The following FGF13 variants were observed in gnomAD, a reference collection of about 807,000 sequenced individuals.
FGF13 encodes the protein fibroblast growth factor 13.
A neutral mutation model predicts 19.5 loss-of-function variants in FGF13; 2 were observed. The observed-to-expected ratio is 0.10, with a 90% CI of 0.04 to 0.32. The LOEUF (loss-of-function observed/expected upper bound fraction) is 0.32, where lower values mean the gene tolerates loss of function less well. FGF13 is among the 10% of genes least tolerant of loss of function. FGF13 has a pLI of 1.00. For synonymous variants in FGF13, 72 were observed against 76.9 expected (o/e 0.94, Z 0.33); for missense variants, 113 against 192.7 (o/e 0.59, Z 2.45).
intron 1 of FGF13, among the ~76,000 whole-genome samples, chrX:138,962,492 TG>T (rs1202878899): frequency 8.9e-6 from 1 of 112,286 alleles, no homozygotes; most frequent in East Asian, 2.8e-4. Context: ...ATCCCATTAC[TG>T]GGTATATATC....
rs1407960230 is a variant in FGF13, at chrX:139,105,395, T to G, written c.-113+98021A>C. ...GTCCTCTTCTGGTTGCAACCTAAGA[T>G]TCTTTATGTTCTCGTCTGACCTCAT... On this transcript the variant is annotated intron_variant, in intron 1 of 2. Coordinates refer to the FGF13 transcript ENST00000421460. 3.6e-5 allele frequency among the ~76,000 whole-genome samples: 4 copies of G among 111,497 alleles called. No homozygotes were observed. In the East Asian group the frequency reaches 1.1e-3, roughly 31 times the overall value.
At chrX:139,089,920 C>T (rs767924508) in intron 1 of FGF13, among the ~76,000 whole-genome samples, 1 of 111,215 alleles carries the variant, frequency 9.0e-6, no homozygotes, top group African/African-American at 3.3e-5. Flanking sequence ...CTCACTGCGG[C>T]CTTGAACTCT....
intron 1 of FGF13, among the ~76,000 whole-genome samples, chrX:138,903,715 A>G (rs909707517): frequency 8.9e-6 from 1 of 111,811 alleles, no homozygotes; most frequent in African/African-American, 3.2e-5. Flanking sequence ...TGCTCCCTCT[A>G]TTAAAACTTG....
At chrX:138,891,731 T>C (rs965858575) in intron 1 of FGF13, among the ~76,000 whole-genome samples, 1 of 110,531 alleles carries the variant, frequency 9.0e-6, no homozygotes, top group African/African-American at 3.3e-5. Context: ...GGAAGGCAGT[T>C]CCACCCTTAA....
chrX:139,094,112 C>T (rs2083455456), intron 1 of FGF13, among the ~76,000 whole-genome samples: 1 of 111,568 alleles, frequency 9.0e-6, no homozygotes, highest in South Asian at 3.8e-4. Flanking sequence ...CAGGCCGTCT[C>T]TAGTGCCTTT....
chrX:139,128,490 T>G (rs1305720419), intron 1 of FGF13, among the ~76,000 whole-genome samples: 3 of 112,201 alleles, frequency 2.7e-5, no homozygotes, highest in African/African-American at 9.7e-5. Flanking sequence ...GGGTGCCTGC[T>G]GTCTACATCC....
chrX:138,787,268 A>G (rs920138987), intron 3 of FGF13, among the ~76,000 whole-genome samples: 2 of 112,719 alleles, frequency 1.8e-5, no homozygotes, highest in Non-Finnish European at 1.9e-5. Context: ...GGCAGCCCAG[A>G]TTTTGCTGCA....
chrX:138,857,563 A>C, exon 3 of FGF13: 1 of 1,208,151 alleles, frequency 8.3e-7, no homozygotes, highest in Non-Finnish European at 1.1e-6. Flanking sequence ...GGGCAGCAGA[A>C]GATTTCGTGA....
chrX:138,742,285 T>C (rs1224892043), upstream of FGF13, among the ~76,000 whole-genome samples: 1 of 112,184 alleles, frequency 8.9e-6, no homozygotes, highest in Non-Finnish European at 1.9e-5. Context: ...ATACACTAGA[T>C]GTTTGAGACT....
chrX:138,901,801 T>C (rs1231419817), intron 1 of FGF13, among the ~76,000 whole-genome samples: 1 of 111,778 alleles, frequency 8.9e-6, no homozygotes, highest in East Asian at 2.8e-4. Flanking sequence ...TTATAAAAAC[T>C]TCACTAAAAG....
chrX:138,990,840 C>G (rs2092012729), intron 1 of FGF13, among the ~76,000 whole-genome samples: 1 of 112,161 alleles, frequency 8.9e-6, no homozygotes, highest in African/African-American at 3.2e-5. Context: ...AAGCTCTCCC[C>G]TCAAGGTAGA....
intron 1 of FGF13, among the ~76,000 whole-genome samples, chrX:139,181,760 G>A (rs1382329508): frequency 1.8e-5 from 2 of 112,108 alleles, no homozygotes; most frequent in Non-Finnish European, 3.8e-5. Flanking sequence ...TTCAGAAACT[G>A]ACTGATATAA....
chrX:139,112,172 C>G (rs1405682368), intron 1 of FGF13, among the ~76,000 whole-genome samples: 1 of 111,894 alleles, frequency 8.9e-6, no homozygotes, highest in Non-Finnish European at 1.9e-5. Context: ...CCCACACTTA[C>G]TATGTACATG....
intron 1 of FGF13, among the ~76,000 whole-genome samples, chrX:139,043,331 T>C (rs1050021927): frequency 5.4e-5 from 6 of 110,464 alleles, no homozygotes; most frequent in African/African-American, 2.0e-4. Flanking sequence ...CCTGCCTCAG[T>C]CTCCTGAGTA....
chrX:139,054,638 G>A (rs1255565342), intron 1 of FGF13, among the ~76,000 whole-genome samples: 2 of 111,724 alleles, frequency 1.8e-5, no homozygotes, highest in African/African-American at 3.3e-5. Flanking sequence ...AATGGGAATT[G>A]CATTAAATTT....
At chrX:139,152,325 A>C (rs1234218395) in intron 1 of FGF13, among the ~76,000 whole-genome samples, 21 of 96,804 alleles carry the variant, frequency 2.2e-4, no homozygotes, top group African/African-American at 4.8e-4. Context: ...AAAAAAAAAA[A>C]CAAAAAAAAA....
intron 3 of FGF13, among the ~76,000 whole-genome samples, chrX:138,795,928 A>C (rs974042017): frequency 8.9e-6 from 1 of 111,982 alleles, no homozygotes; most frequent in Non-Finnish European, 1.9e-5. Context: ...CCATTATTAA[A>C]GACTTGGTGG....
At chrX:138,808,607 G>A (rs1248586512) in intron 3 of FGF13, among the ~76,000 whole-genome samples, 4 of 111,304 alleles carry the variant, frequency 3.6e-5, no homozygotes, top group African/African-American at 6.5e-5. Flanking sequence ...AGAACTGAAG[G>A]AGATAGAGAC....
chrX:138,644,185 C>T (rs763429580), intron 3 of FGF13, among the ~76,000 whole-genome samples: 2 of 112,184 alleles, frequency 1.8e-5, no homozygotes, highest in East Asian at 5.6e-4. Context: ...AGGTCCTTTC[C>T]TCCTAGATGA....
Sources: gnomAD v4.1 joint callset for allele counts (sites outside exome capture counted in the v4.1 genomes callset) on GRCh38, gnomAD v4.1.1 for gene constraint, MANE v1.5 for transcripts, NCBI Gene and HGNC (gene_info 2026-07-23, HGNC 2026-07-21) for gene names.